Variants in BCAT1 observed in about 807,000 individuals in gnomAD.
BCAT1 encodes the protein branched chain amino acid transaminase 1.
A neutral mutation model predicts 52.4 loss-of-function variants in BCAT1; 48 were observed. That is an observed-to-expected ratio of 0.92 (90% CI 0.73 to 1.16). The LOEUF (loss-of-function observed/expected upper bound fraction) is 1.16. Ranked by LOEUF, BCAT1 falls within the 50% of genes most tolerant of loss-of-function variation. BCAT1 has a pLI of 0.00. For missense variants in BCAT1, 451 were observed against 457.1 expected, an observed-to-expected ratio of 0.99 and a Z score of 0.12; for synonymous variants, 167 against 161.3, an observed-to-expected ratio of 1.04 and a Z score of -0.27.
At chr12:24,839,046 T>C (rs1014959421) in intron 7 of BCAT1, among the ~76,000 whole-genome samples, 4 of 152,202 alleles carry the variant, frequency 2.6e-5, no homozygotes, top group Non-Finnish European at 5.9e-5. Context: ...GCTCTATGAA[T>C]ACAGCAGTGA....
At chr12:24,874,487 CTG>C (rs1434689890) in intron 5 of BCAT1, among the ~76,000 whole-genome samples, 1 of 152,104 alleles carries the variant, frequency 6.6e-6, no homozygotes, top group Non-Finnish European at 1.5e-5. Context: ...TAATATTAGA[CTG>C]TTATATCAGG....
intron 1 of BCAT1, among the ~76,000 whole-genome samples, chr12:24,935,510 C>T (rs573911752): frequency 4.1e-4 from 63 of 152,304 alleles, no homozygotes; most frequent in African/African-American, 1.3e-3. Flanking sequence ...CCCTAACCTA[C>T]GCCACAAGGA....
At chr12:24,894,209 G>T in intron 3 of BCAT1, 66 bp downstream of exon 3, 5 of 1,486,760 alleles carry the variant, frequency 3.4e-6, no homozygotes, top group Non-Finnish European at 4.6e-6. Flanking sequence ...ATTTTAGCAG[G>T]AGAAGCTACT....
intron 2 of BCAT1, among the ~76,000 whole-genome samples, chr12:24,896,905 A>T (rs1338689439): frequency 2.0e-5 from 3 of 152,168 alleles, no homozygotes; most frequent in African/African-American, 7.2e-5. Flanking sequence ...TAAATACTGA[A>T]GATGTCTGGC....
intron 10 of BCAT1, among the ~76,000 whole-genome samples, chr12:24,824,256 TTCCTTCCTTCATTCCCTCCC>T (rs1374143112): frequency 6.9e-6 from 1 of 144,208 alleles, no homozygotes; most frequent in African/African-American, 2.6e-5. Context: ...CCTTCCTTCC[TTCCTTCCTTCATTCCCTCCC>T]TCCCTCCCTC....
At chr12:24,917,351 T>C (rs1038385809) in intron 1 of BCAT1, among the ~76,000 whole-genome samples, 1 of 152,090 alleles carries the variant, frequency 6.6e-6, no homozygotes, top group Non-Finnish European at 1.5e-5. Context: ...GCTAATTTTG[T>C]TTTTGTGTTT....
intron 4 of BCAT1, among the ~76,000 whole-genome samples, chr12:24,879,184 T>TA (rs1007335888): frequency 3.9e-5 from 6 of 152,154 alleles, no homozygotes; most frequent in African/African-American, 1.4e-4. Context: ...AAAAAATGGA[T>TA]AAAATGTGAC....
intron 10 of BCAT1, among the ~76,000 whole-genome samples, chr12:24,820,761 A>G (rs142447324): frequency 4.6e-5 from 7 of 152,340 alleles, no homozygotes; most frequent in African/African-American, 1.2e-4. Context: ...ACACTAAACT[A>G]AAACACGACT....
At chr12:24,889,107 T>C (rs1942766235) in intron 3 of BCAT1, among the ~76,000 whole-genome samples, 1 of 152,182 alleles carries the variant, frequency 6.6e-6, no homozygotes, top group Admixed American at 6.5e-5. Context: ...AAAATCCAGC[T>C]CATCTGCTGC....
chr12:24,834,133 A>G (rs754458801), intron 8 of BCAT1: 70 of 979,886 alleles, frequency 7.1e-5, no homozygotes, highest in Non-Finnish European at 8.2e-5. Flanking sequence ...GCTTACCTAT[A>G]TCTTTTATGG....
chr12:24,892,239 A>G (rs1769132376), intron 3 of BCAT1, among the ~76,000 whole-genome samples: 2 of 152,064 alleles, frequency 1.3e-5, no homozygotes, highest in Non-Finnish European at 2.9e-5. Flanking sequence ...CCATGGGTGG[A>G]GGGCTCATTT....
In BCAT1 at chr12:24,829,759, A is replaced by G; in HGVS notation, c.1119+64T>C. The G allele has an allele frequency of 3.0e-6, 4 of 1,315,554 alleles. 1 individual carries two copies. In the South Asian group the frequency reaches 5.4e-5, roughly 18 times the overall value. The allele number at this position is 1,315,554 out of a possible 1,614,324, so 81.5% of individuals were successfully genotyped here. A position where few individuals can be genotyped will look rare whatever the true frequency, so the allele number is the denominator to read the frequency against. ...ATAATTTAGTTGTAAGCTCTGACAG[A>G]AATAAGGTGACATAAAAAAAAGAAA... On this transcript the variant is annotated intron_variant, in intron 10 of 10. Coordinates refer to ENST00000261192, the MANE Select transcript of BCAT1 (RefSeq NM_005504.7).
intron 1 of BCAT1, among the ~76,000 whole-genome samples, chr12:24,909,563 T>C (rs1375619278): frequency 6.6e-6 from 1 of 152,182 alleles, no homozygotes; most frequent in Non-Finnish European, 1.5e-5. Flanking sequence ...CCCAGCTTCC[T>C]TTGGAACCTG....
chr12:24,887,451 A>AT (rs1479390593), intron 3 of BCAT1, among the ~76,000 whole-genome samples: 1 of 152,084 alleles, frequency 6.6e-6, no homozygotes, highest in African/African-American at 2.4e-5. Flanking sequence ...AAATATATAC[A>AT]TTTTTTCATT....
rs1939647130 is a variant in BCAT1, at chr12:24,810,515, T to G, written c.*7493A>C. The G allele has an allele frequency of 6.6e-6, 1 of 152,190 alleles. No homozygotes were observed. Among genetic ancestry groups the G allele is most frequent in the Non-Finnish European group, 1.5e-5 (1 of 68,038 alleles). The allele number at this position is 152,190 out of a possible 1,614,324, so 9.4% of individuals were successfully genotyped here. On this transcript the variant is annotated 3_prime_UTR_variant, in exon 11 of 11. Transcript: ENST00000261192. The stretch of plus-strand genomic sequence containing the variant: ...ATCTGATAAATTATATAAGCTCCAG[T>G]AAATGTATGTCATCACCCTCAGGAA...
intron 8 of BCAT1, chr12:24,834,237 T>C: frequency 1.0e-6 from 1 of 981,630 alleles, no homozygotes; most frequent in Non-Finnish European, 1.2e-6. Flanking sequence ...TTGTATTGTA[T>C]GTATTTTTTT....
At chr12:24,835,663 C>T (rs1005344822) in intron 8 of BCAT1, among the ~76,000 whole-genome samples, 1 of 152,010 alleles carries the variant, frequency 6.6e-6, no homozygotes, top group Admixed American at 6.6e-5. Context: ...TCATAGCTCA[C>T]TGCGACCTTG....
At chr12:24,903,186 A>C (rs1943164524) in intron 1 of BCAT1, 1 of 1,156,120 alleles carries the variant, frequency 8.6e-7, no homozygotes, top group Non-Finnish European at 1.1e-6. Context: ...GGAGCCTCCA[A>C]CCGTCTCGTC....
In BCAT1 at chr12:24,858,675, T is replaced by C. The variant is rs570144530; in HGVS notation, c.511-8726A>G. Among the ~76,000 whole-genome samples, 279 of 152,318 alleles carry C rather than the reference T, an allele frequency of 1.8e-3. 7 individuals are homozygous for C. The highest frequency in any genetic ancestry group is 7.6e-4 in the Non-Finnish European group (52 of 68,032). Reference sequence around the variant, plus strand: ...ATTAAAACCACTTATTTATCAGACTTTTCACCAAATATAAAAGTTGCTAAG... The same window carrying C: ...ATTAAAACCACTTATTTATCAGACTCTTCACCAAATATAAAAGTTGCTAAG... On this transcript the variant is annotated intron_variant, in intron 5 of 10. Transcript: ENST00000261192.
Sources: allele counts gnomAD v4.1 joint callset (sites outside exome capture counted in the v4.1 genomes callset), GRCh38; gene constraint gnomAD v4.1.1; transcripts MANE v1.5; gene names NCBI Gene and HGNC (gene_info 2026-07-23, HGNC 2026-07-21).